The following HFM1 variants were observed in gnomAD, a reference collection of about 807,000 sequenced individuals.
HFM1 encodes probable ATP-dependent DNA helicase HFM1.
HFM1 carries 169 observed loss-of-function variants against 192.1 expected under a neutral mutation model. The ratio of observed to expected loss-of-function variants is 0.88; its 90% CI spans 0.78 to 1.00. The LOEUF (loss-of-function observed/expected upper bound fraction) is 1.00, where lower values mean the gene tolerates loss of function less well. Ranked by LOEUF, HFM1 falls within the 50% of genes least tolerant of loss-of-function variation. The pLI is 0.00. For missense variants in HFM1, 1,661 were observed against 1,668.0 expected, an observed-to-expected ratio of 1.00 and a Z score of 0.07; for synonymous variants, 525 against 537.8, an observed-to-expected ratio of 0.98 and a Z score of 0.33.
chr1:91,277,632 A>C (rs1287868177), intron 30 of HFM1, among the ~76,000 whole-genome samples: 4 of 129,738 alleles, frequency 3.1e-5, no homozygotes, highest in Non-Finnish European at 6.2e-5. Context: ...AATATATATA[A>C]TATATACTAT....
intron 9 of HFM1, 57 bp downstream of exon 9, chr1:91,379,006 G>T (rs1474998759): frequency 1.8e-6 from 2 of 1,090,900 alleles, no homozygotes; most frequent in Non-Finnish European, 2.5e-6. Flanking sequence ...TCTCAGTAAA[G>T]AAAAATAGGT....
intron 36 of HFM1, 127 bp from the exon 37 acceptor site, chr1:91,262,719 GT>G (rs1665285459): frequency 8.4e-6 from 5 of 594,574 alleles, no homozygotes; most frequent in South Asian, 2.5e-5. Context: ...GTAATGCATT[GT>G]TTCTAATATT....
intron 20 of HFM1, among the ~76,000 whole-genome samples, chr1:91,337,303 T>C (rs1654731332): frequency 1.3e-5 from 2 of 152,060 alleles, no homozygotes; most frequent in African/African-American, 4.8e-5. Flanking sequence ...AAAACCTCAA[T>C]GCAAACATAC....
chr1:91,377,213 A>T (rs1661009383), intron 11 of HFM1, among the ~76,000 whole-genome samples: 1 of 151,880 alleles, frequency 6.6e-6, no homozygotes, highest in Non-Finnish European at 1.5e-5. Context: ...GTTGTAATAA[A>T]CTTTAAATTT....
intron 20 of HFM1, chr1:91,329,234 T>A: frequency 6.2e-7 from 1 of 1,609,712 alleles, no homozygotes; most frequent in Non-Finnish European, 8.5e-7. Context: ...TCTTGGAACC[T>A]GAGGTGCTGG....
chr1:91,264,361 A>AT (rs71087940), intron 36 of HFM1, among the ~76,000 whole-genome samples: 13,110 of 56,864 alleles, frequency 0.23, 4,535 homozygotes, highest in Non-Finnish European at 0.3. Flanking sequence ...CAAATTTAGT[A>AT]TTTTTTTTTT....
chr1:91,402,905 A>C (rs751643837), intron 1 of HFM1, among the ~76,000 whole-genome samples: 11 of 152,136 alleles, frequency 7.2e-5, no homozygotes, highest in Non-Finnish European at 1.2e-4. Flanking sequence ...TGGGAAGAAA[A>C]GCGTTGCATA....
Position 91,375,526 on chromosome 1 carries a change from C to G in HFM1, c.1596+1G>C. 1 of 1,612,436 alleles carries G rather than the reference C, an allele frequency of 6.2e-7. No homozygotes were observed. The highest frequency in any genetic ancestry group is 2.2e-5 in the East Asian group (1 of 44,850). ...AAAAATAAGCTATCAACAATCCATA[C>G]CACAAGTGTGGGTTTCTGATCAGAG... is the stretch of plus-strand genomic sequence containing the variant. On this transcript the variant is annotated splice_donor_variant, in intron 12 of 38. Coordinates refer to ENST00000370425, the MANE Select transcript of HFM1 (RefSeq NM_001017975.6). LOFTEE classifies it high-confidence loss of function.
At chr1:91,285,262 T>C (rs1667847733) in intron 30 of HFM1, among the ~76,000 whole-genome samples, 1 of 152,186 alleles carries the variant, frequency 6.6e-6, no homozygotes, top group African/African-American at 2.4e-5. Flanking sequence ...GAAAAGAATT[T>C]TTCATTATTT....
intron 34 of HFM1, among the ~76,000 whole-genome samples, chr1:91,268,316 A>G (rs916512696): frequency 6.6e-6 from 1 of 151,984 alleles, no homozygotes; most frequent in Non-Finnish European, 1.5e-5. Flanking sequence ...GTTAATTTTC[A>G]GTATTGTTAT....
chr1:91,374,550 C>T (rs924260389), intron 13 of HFM1, among the ~76,000 whole-genome samples: 13 of 152,078 alleles, frequency 8.5e-5, no homozygotes, highest in African/African-American at 2.7e-4. Context: ...AACAGGACTT[C>T]GTAATTGATT....
intron 1 of HFM1, among the ~76,000 whole-genome samples, chr1:91,402,829 T>C (rs367565080): frequency 1.3e-5 from 2 of 152,260 alleles, no homozygotes; most frequent in East Asian, 1.9e-4. Context: ...CTAACATTTA[T>C]ACACTTGAAT....
At chr1:91,270,448 G>A (rs188140836) in intron 34 of HFM1, among the ~76,000 whole-genome samples, 70 of 152,074 alleles carry the variant, frequency 4.6e-4, no homozygotes, top group African/African-American at 1.7e-3. Flanking sequence ...TATACAGATG[G>A]ATTTGGAGTT....
At chr1:91,369,647 A>T (rs1659890704) in intron 13 of HFM1, among the ~76,000 whole-genome samples, 1 of 152,096 alleles carries the variant, frequency 6.6e-6, no homozygotes, top group South Asian at 2.1e-4. Flanking sequence ...CAGGAAAGAT[A>T]AAAATTGACA....
chr1:91,339,818 A>G (rs780602184), intron 20 of HFM1, among the ~76,000 whole-genome samples: 1 of 152,186 alleles, frequency 6.6e-6, no homozygotes, highest in African/African-American at 2.4e-5. Flanking sequence ...GTGAGATACT[A>G]TATAGAACAG....
chr1:91,372,476 C>T (rs967088783), intron 13 of HFM1, among the ~76,000 whole-genome samples: 15 of 152,146 alleles, frequency 9.9e-5, no homozygotes, highest in African/African-American at 3.6e-4. Flanking sequence ...TCGCAGCAAA[C>T]TATCGCAAGG....
intron 15 of HFM1, 39 bp from the exon 16 acceptor site, chr1:91,352,690 A>G: frequency 6.8e-7 from 1 of 1,481,370 alleles, no homozygotes; most frequent in South Asian, 1.4e-5. Context: ...GAGCCATTTA[A>G]CTTTGTTGCT....
chr1:91,288,021 C>G (rs1293954258), intron 30 of HFM1, among the ~76,000 whole-genome samples: 1 of 151,748 alleles, frequency 6.6e-6, no homozygotes, highest in Non-Finnish European at 1.5e-5. Context: ...TGTGAAAAGA[C>G]CAAATCTACG....
At position 91,379,083 on chromosome 1, in the gene HFM1, G is replaced by T; in HGVS notation, c.1138C>A (p.His380Asn). The change falls in exon 9 of 39, where the codon CAT becomes AAT. Residue 380 changes from histidine (H) to asparagine (N), a missense_variant. By Grantham distance (68) the His-to-Asn change is moderately conservative (BLOSUM62 1). Coordinates refer to ENST00000370425, the MANE Select transcript of HFM1 (RefSeq NM_001017975.6). ...CCTACTGGAGTTGTCATAATAATAT[G>T]GGCATGCTGAATCTCAAATAGATCA... is the stretch of plus-strand genomic sequence containing the variant. Reference protein sequence around the residue: ...MDDLFEIQHAHIIMTTPEKWD... With the variant: ...MDDLFEIQHANIIMTTPEKWD... 6.3e-7 allele frequency: 1 copy of T among 1,580,324 alleles called. No homozygotes were observed.
Sources: gnomAD v4.1 joint callset for allele counts (sites outside exome capture counted in the v4.1 genomes callset) on GRCh38, gnomAD v4.1.1 for gene constraint, MANE v1.5 for transcripts, NCBI Gene and HGNC (gene_info 2026-07-23, HGNC 2026-07-21) for gene names.